PPP2R2C: variants seen among roughly 807,000 people sequenced by gnomAD.
The protein encoded by PPP2R2C is protein phosphatase 2 regulatory subunit Bgamma.
A neutral mutation model predicts 45.3 loss-of-function variants in PPP2R2C; 10 were observed. The ratio of observed to expected loss-of-function variants is 0.22; its 90% CI spans 0.14 to 0.37. PPP2R2C has a LOEUF of 0.37. PPP2R2C is among the 10% of genes least tolerant of loss of function. The probability of loss-of-function intolerance (pLI) is 1.00; values close to 1 mark genes in which losing one functional copy is unlikely to be tolerated. For missense variants in PPP2R2C, 308 were observed against 619.7 expected (o/e 0.50, Z 5.34); for synonymous variants, 257 against 245.4 (o/e 1.05, Z -0.44).
rs934073393 is a variant in PPP2R2C at position 6,378,924 on chromosome 4, C to G, written c.169-352G>C. ...TCTGCTTGAGCACCACGACTCTCCC[C>G]ATTTCACAGACCAGCAAACAGAGAC... is the stretch of plus-strand genomic sequence containing the variant. On this transcript the variant is annotated intron_variant, in intron 2 of 8. Transcript: ENST00000382599. This position sits in a 1 kb window ranked among gnomAD's most constrained non-coding sequence, Gnocchi z 5.2. Among the ~76,000 whole-genome samples the G allele has an allele frequency of 3.3e-5, 5 of 151,748 alleles. No homozygotes were observed. Among genetic ancestry groups the G allele is most frequent in the Non-Finnish European group, 7.4e-5 (5 of 67,986 alleles).
chr4:6,341,542 C>A (rs1260002367), intron 6 of PPP2R2C, among the ~76,000 whole-genome samples: 2 of 152,000 alleles, frequency 1.3e-5, no homozygotes, highest in African/African-American at 4.8e-5. Context: ...GAACAATGAC[C>A]CCTAAAGGCG....
intron 1 of PPP2R2C, among the ~76,000 whole-genome samples, chr4:6,451,313 C>T (rs572864902): frequency 6.6e-6 from 1 of 152,238 alleles, no homozygotes; most frequent in African/African-American, 2.4e-5. Flanking sequence ...CCAGCCCCTG[C>T]CCTCCTGTAG....
At chr4:6,393,963 A>G (rs1716838973) in intron 1 of PPP2R2C, among the ~76,000 whole-genome samples, 1 of 152,216 alleles carries the variant, frequency 6.6e-6, no homozygotes, top group East Asian at 1.9e-4. Flanking sequence ...GCCTGAGGCC[A>G]GCAGCTGGCC....
chr4:6,401,956 C>G (rs887042044), intron 1 of PPP2R2C, among the ~76,000 whole-genome samples: 1 of 152,202 alleles, frequency 6.6e-6, no homozygotes, highest in African/African-American at 2.4e-5. Context: ...AGGCGCAAAT[C>G]CTGGCTCTGT....
At chr4:6,510,994 C>CAAAAA (rs200316130) in intron 2 of PPP2R2C, among the ~76,000 whole-genome samples, 1 of 33,220 alleles carries the variant, frequency 3.0e-5, no homozygotes, top group Admixed American at 3.2e-4. Flanking sequence ...AAAAAACAAA[C>CAAAAA]AAACAAAAAA....
chr4:6,471,419 G>A lies in PPP2R2C; in HGVS notation c.70+741C>T, dbSNP rs563318405. The A allele has an allele frequency of 1.7e-3, 259 of 152,302 alleles. No individual in the cohort carries two copies. The highest frequency in any genetic ancestry group is 5.9e-3 in the African/African-American group (246 of 41,556). 9.4% of individuals were successfully genotyped at this position (152,302 alleles called of 1,614,324 possible). A position where few individuals can be genotyped will look rare whatever the true frequency, so the allele number is the denominator to read the frequency against. ...GTAAGAGAGGGGCGCTGACCCACCAGCCTCGGGGGTAGGGTGGGGGTGGGG... is the reference window on the plus strand; with the variant it reads ...GTAAGAGAGGGGCGCTGACCCACCAACCTCGGGGGTAGGGTGGGGGTGGGG... On this transcript the variant is annotated intron_variant, in intron 1 of 8. Transcript: ENST00000382599. This position sits in a 1 kb window ranked among gnomAD's most constrained non-coding sequence, Gnocchi z 5.6.
upstream of PPP2R2C, among the ~76,000 whole-genome samples, chr4:6,473,880 G>T (rs1376692920): frequency 6.6e-6 from 1 of 152,194 alleles, no homozygotes; most frequent in Non-Finnish European, 1.5e-5. Flanking sequence ...ATGAGGAGAT[G>T]AAAGCCCCCC....
intron 5 of PPP2R2C, among the ~76,000 whole-genome samples, chr4:6,369,236 G>T (rs1714599189): frequency 6.6e-6 from 1 of 152,188 alleles, no homozygotes. Context: ...CCACGTTTTA[G>T]GCACTCAGCA....
chr4:6,369,636 T>C (rs1714639696), intron 5 of PPP2R2C, among the ~76,000 whole-genome samples: 1 of 152,150 alleles, frequency 6.6e-6, no homozygotes, highest in South Asian at 2.1e-4. Flanking sequence ...GTGCCACAGC[T>C]CCGGCACCTT....
intron 1 of PPP2R2C, among the ~76,000 whole-genome samples, chr4:6,401,637 G>A (rs760269201): frequency 2.0e-5 from 3 of 152,102 alleles, no homozygotes; most frequent in Non-Finnish European, 2.9e-5. Context: ...CCTCCTCTGT[G>A]TGATCTCATG....
intron 1 of PPP2R2C, among the ~76,000 whole-genome samples, chr4:6,536,857 G>A (rs1724634934): frequency 6.6e-6 from 1 of 152,240 alleles, no homozygotes; most frequent in Non-Finnish European, 1.5e-5. Context: ...ATCAGTGGAT[G>A]CTAAGCAACT....
intron 1 of PPP2R2C, among the ~76,000 whole-genome samples, chr4:6,399,168 G>T (rs952034080): frequency 6.6e-6 from 1 of 152,138 alleles, no homozygotes; most frequent in African/African-American, 2.4e-5. Flanking sequence ...TAATTATGGG[G>T]GTGATTTCAC....
chr4:6,409,789 C>A (rs1221037301), intron 1 of PPP2R2C, among the ~76,000 whole-genome samples: 4 of 152,186 alleles, frequency 2.6e-5, no homozygotes, highest in Non-Finnish European at 5.9e-5. Context: ...ACTCAGGTCT[C>A]TGGCCCCAGG....
chr4:6,414,090 GTGT>G, intron 1 of PPP2R2C: 13 of 1,194,520 alleles, frequency 1.1e-5, no homozygotes, highest in Non-Finnish European at 1.4e-5. Context: ...GTGTGTGTGT[GTGT>G]GTGTGTGTGT....
intron 6 of PPP2R2C, among the ~76,000 whole-genome samples, chr4:6,346,395 G>T (rs950053922): frequency 6.6e-6 from 1 of 152,138 alleles, no homozygotes; most frequent in African/African-American, 2.4e-5. Flanking sequence ...CCCCCTCAGG[G>T]TGTCCGTTCC....
chr4:6,535,414 A>G (rs1724572783), intron 1 of PPP2R2C: 1 of 1,403,142 alleles, frequency 7.1e-7, no homozygotes, highest in African/African-American at 1.4e-5. Flanking sequence ...TGAGGAATCA[A>G]AGAGCCTTGG....
chr4:6,484,854 A>G (rs1722479678), intron 2 of PPP2R2C, among the ~76,000 whole-genome samples: 1 of 151,924 alleles, frequency 6.6e-6, no homozygotes, highest in South Asian at 2.1e-4. Flanking sequence ...TACATAAATA[A>G]TCATGTCATC....
intron 1 of PPP2R2C, among the ~76,000 whole-genome samples, chr4:6,422,080 G>C (rs567082840): frequency 6.7e-6 from 1 of 149,576 alleles, no homozygotes; most frequent in East Asian, 1.9e-4. Context: ...CTAGAGTCTT[G>C]AGTAGTCAAA....
At chr4:6,561,142 C>T (rs1725559810) in intron 1 of PPP2R2C, among the ~76,000 whole-genome samples, 1 of 152,196 alleles carries the variant, frequency 6.6e-6, no homozygotes, top group South Asian at 2.1e-4. Context: ...GGCTGCAATG[C>T]CCTGTGGGGT....
Sources: allele counts gnomAD v4.1 joint callset (sites outside exome capture counted in the v4.1 genomes callset), GRCh38; gene constraint gnomAD v4.1.1; non-coding constraint Gnocchi (gnomAD v3.1); transcripts MANE v1.5; gene names NCBI Gene and HGNC (gene_info 2026-07-23, HGNC 2026-07-21).